Variants in WWOX observed in about 807,000 individuals in gnomAD.
WWOX encodes WW domain-containing oxidoreductase.
WWOX carries 69 observed loss-of-function variants against 46.2 expected under a neutral mutation model. That is an observed-to-expected ratio of 1.49 (90% CI 1.23 to 1.82). The LOEUF is 1.82. Ranked by LOEUF, WWOX falls within the 40% of genes most tolerant of loss-of-function variation. The pLI, the probability that WWOX is intolerant of heterozygous loss-of-function variation, is 0.00. For synonymous variants in WWOX, 359 were observed against 202.6 expected (o/e 1.77, Z -6.56); for missense variants, 919 against 542.6 (o/e 1.69, Z -6.89).
intron 5 of WWOX, among the ~76,000 whole-genome samples, chr16:78,268,076 C>T (rs1440291969): frequency 6.6e-6 from 1 of 152,196 alleles, no homozygotes; most frequent in Admixed American, 6.5e-5. Context: ...GCCTTGTCAT[C>T]CCAAAGTGCT....
At chr16:78,188,381 G>A (rs1361307000) in intron 5 of WWOX, among the ~76,000 whole-genome samples, 1 of 151,816 alleles carries the variant, frequency 6.6e-6, no homozygotes, top group Non-Finnish European at 1.5e-5. Context: ...CCAGCTACTC[G>A]GGAGGCTGAG....
chr16:78,352,375 G>A (rs537257776), intron 5 of WWOX, among the ~76,000 whole-genome samples: 4 of 152,314 alleles, frequency 2.6e-5, no homozygotes, highest in South Asian at 2.1e-4. Context: ...GGCTAAAATC[G>A]ATGTGTCAGC....
chr16:79,147,332 A>C (rs965791030), intron 8 of WWOX, among the ~76,000 whole-genome samples: 1 of 152,206 alleles, frequency 6.6e-6, no homozygotes, highest in Non-Finnish European at 1.5e-5. Flanking sequence ...AAATTATTAT[A>C]TAAGCAGAAT....
At chr16:78,830,198 A>T (rs1044654531) in intron 8 of WWOX, among the ~76,000 whole-genome samples, 4 of 152,226 alleles carry the variant, frequency 2.6e-5, no homozygotes, top group African/African-American at 7.2e-5. Flanking sequence ...GAGGGAGAGG[A>T]TGAAGGAAAG....
chr16:78,412,610 C>T lies in WWOX; in HGVS notation c.606-12260C>T, dbSNP rs879156528. Among the ~76,000 whole-genome samples, 4 of 152,210 alleles carry T rather than the reference C, an allele frequency of 2.6e-5. No homozygotes were observed. The East Asian group carries it at 7.7e-4, about 29-fold the overall frequency. On this transcript the variant is annotated intron_variant, in intron 6 of 8. Transcript: ENST00000566780. ...TGGGAGGTCCAAGAGTGGATGGTAT[C>T]ACAGAAGCCAAGACAGGAAAGTGAG...
At chr16:78,770,753 C>G (rs1417293258) in intron 8 of WWOX, among the ~76,000 whole-genome samples, 2 of 151,314 alleles carry the variant, frequency 1.3e-5, no homozygotes, top group Non-Finnish European at 2.9e-5. Context: ...CTGCAGCGCC[C>G]TCTACTGGCG....
In WWOX at chr16:78,520,582, C is replaced by CTGG. The variant is rs200276530; in HGVS notation, c.1056+87834_1056+87836dup. Among the ~76,000 whole-genome samples, 327 of 149,766 alleles carry CTGG rather than the reference C, an allele frequency of 2.2e-3. 2 individuals are homozygous for CTGG. Among genetic ancestry groups the CTGG allele is most frequent in the African/African-American group, 7.4e-3 (302 of 41,022 alleles). The stretch of plus-strand genomic sequence containing the variant: ...GATTGGCAGTGGATGTCAGGATTGT[C>CTGG]TGGTGGGAAGGCTGCTGGGACTCAC... On this transcript the variant is annotated intron_variant, in intron 8 of 8. Transcript: ENST00000566780.
intron 5 of WWOX, among the ~76,000 whole-genome samples, chr16:78,203,769 C>T (rs114303876): frequency 6.6e-6 from 1 of 152,108 alleles, no homozygotes; most frequent in Non-Finnish European, 1.5e-5. Context: ...CTTGGGCAAG[C>T]GCGTGCTAGT....
rs562972364 is a variant in WWOX at position 79,073,307 on chromosome 16, G to T, written c.1057-138301G>T. 3.6e-3 allele frequency among the ~76,000 whole-genome samples: 548 copies of T among 152,124 alleles called. 2 individuals are homozygous for T. The highest frequency in any genetic ancestry group is 6.5e-3 in the Non-Finnish European group (444 of 68,006). On this transcript the variant is annotated intron_variant, in intron 8 of 8. Coordinates refer to ENST00000566780, the MANE Select transcript of WWOX (RefSeq NM_016373.4). ...TGGTTCTTCTGCCTCAGCTTCCTGA[G>T]TAGCTGGGATTACAGGTGCACGCCG...
At chr16:78,996,414 G>C in intron 8 of WWOX, 3 of 875,778 alleles carry the variant, frequency 3.4e-6, no homozygotes, top group Non-Finnish European at 4.0e-6. Context: ...AAAATGATTT[G>C]CTCAAAGTTT....
At chr16:79,156,787 A>T (rs1307794374) in intron 8 of WWOX, among the ~76,000 whole-genome samples, 1 of 140,788 alleles carries the variant, frequency 7.1e-6, no homozygotes, top group Non-Finnish European at 1.5e-5. Flanking sequence ...ATGCATAATT[A>T]CCTGAAATTG....
At chr16:78,695,502 T>C (rs2048079907) in intron 8 of WWOX, among the ~76,000 whole-genome samples, 3 of 152,168 alleles carry the variant, frequency 2.0e-5, no homozygotes, top group South Asian at 2.1e-4. Context: ...TGGGGGCGGT[T>C]AGCTGACTTC....
intron 8 of WWOX, among the ~76,000 whole-genome samples, chr16:78,853,801 C>T (rs567034146): frequency 1.3e-5 from 2 of 152,160 alleles, no homozygotes; most frequent in South Asian, 2.1e-4. Context: ...ATGCCATAAG[C>T]AGTCCTTGTT....
intron 8 of WWOX, among the ~76,000 whole-genome samples, chr16:79,127,779 C>T (rs1019029269): frequency 6.6e-6 from 1 of 152,126 alleles, no homozygotes; most frequent in African/African-American, 2.4e-5. Context: ...TGCTTTGTAG[C>T]TGGGTGGAGG....
intron 8 of WWOX, among the ~76,000 whole-genome samples, chr16:78,706,419 G>A (rs757200127): frequency 1.3e-5 from 2 of 151,942 alleles, no homozygotes; most frequent in African/African-American, 2.4e-5. Flanking sequence ...GAGCCTTCCC[G>A]ATTCCATTTC....
intron 5 of WWOX, among the ~76,000 whole-genome samples, chr16:78,351,322 GAAT>G (rs2081179842): frequency 6.6e-6 from 1 of 152,160 alleles, no homozygotes; most frequent in Admixed American, 6.5e-5. Flanking sequence ...AAGAGTTTCA[GAAT>G]AATAATTCCG....
At chr16:78,582,889 C>T (rs1251223236) in intron 8 of WWOX, among the ~76,000 whole-genome samples, 1 of 152,118 alleles carries the variant, frequency 6.6e-6, no homozygotes, top group Non-Finnish European at 1.5e-5. Flanking sequence ...CCTATGGGAA[C>T]CAGAGCTCTG....
chr16:78,529,474 T>C (rs1567624759), intron 8 of WWOX, among the ~76,000 whole-genome samples: 1 of 152,084 alleles, frequency 6.6e-6, no homozygotes, highest in East Asian at 1.9e-4. Context: ...TTTTCGTTTT[T>C]TTTATTTTTT....
chr16:78,942,591 C>T (rs1192663270), intron 8 of WWOX, among the ~76,000 whole-genome samples: 5 of 142,120 alleles, frequency 3.5e-5, no homozygotes, highest in Admixed American at 1.3e-4. Context: ...TCAAGGAGAG[C>T]GTTACATTTT....
Sources: gnomAD v4.1 joint callset for allele counts (sites outside exome capture counted in the v4.1 genomes callset) on GRCh38, gnomAD v4.1.1 for gene constraint, MANE v1.5 for transcripts, NCBI Gene and HGNC (gene_info 2026-07-23, HGNC 2026-07-21) for gene names.